The following TMEM108 variants were observed in gnomAD, a reference collection of about 807,000 sequenced individuals.
The protein encoded by TMEM108 is cancer/testis antigen 124.
TMEM108 carries 12 observed loss-of-function variants against 35.1 expected under a neutral mutation model. The ratio of observed to expected loss-of-function variants is 0.34; its 90% CI spans 0.22 to 0.55. The LOEUF is 0.55. Ranked by LOEUF, TMEM108 falls within the 20% of genes least tolerant of loss-of-function variation. TMEM108 has a pLI of 0.89. For synonymous variants in TMEM108, 287 were observed against 308.6 expected, an observed-to-expected ratio of 0.93 and a Z score of 0.73; for missense variants, 680 against 753.3, an observed-to-expected ratio of 0.90 and a Z score of 1.14.
At chr3:133,330,421 T>C (rs2071381953) in intron 3 of TMEM108, among the ~76,000 whole-genome samples, 2 of 152,124 alleles carry the variant, frequency 1.3e-5, no homozygotes, top group African/African-American at 4.8e-5. Flanking sequence ...TGTGTATATA[T>C]GTGTGTGTAA....
At chr3:133,218,480 A>G (rs1945941041) in intron 2 of TMEM108, among the ~76,000 whole-genome samples, 1 of 151,696 alleles carries the variant, frequency 6.6e-6, no homozygotes, top group Admixed American at 6.6e-5. Context: ...CTTGTTCCTG[A>G]TCTTAAAGGA....
At chr3:133,302,072 G>C (rs74367115) in intron 3 of TMEM108, among the ~76,000 whole-genome samples, 2,465 of 152,318 alleles carry the variant, frequency 0.016, 69 homozygotes, top group African/African-American at 0.056. Context: ...AAATGGGGGA[G>C]TCTATAAATT....
In TMEM108 at chr3:133,326,897, A is replaced by G. The variant is rs193028780; in HGVS notation, c.41-52855A>G. 2.9e-3 allele frequency among the ~76,000 whole-genome samples: 444 copies of G among 152,356 alleles called. 3 individuals carry two copies. Among genetic ancestry groups the G allele is most frequent in the African/African-American group, 0.01 (431 of 41,592 alleles). On this transcript the variant is annotated intron_variant, in intron 3 of 5. Coordinates refer to ENST00000321871, the MANE Select transcript of TMEM108 (RefSeq NM_023943.4). The stretch of plus-strand genomic sequence containing the variant: ...AAGAAGACATTCAAGTGCCCACAGT[A>G]TAGTTGGGGCATGAGAAGTATTATT...
intron 2 of TMEM108, among the ~76,000 whole-genome samples, chr3:133,227,803 G>A (rs1194351615): frequency 1.3e-5 from 2 of 151,996 alleles, no homozygotes; most frequent in African/African-American, 2.4e-5. Flanking sequence ...GCTGAGGCAC[G>A]AGAATCACTT....
At chr3:133,370,915 T>TGTGTGTGTGC (rs1268717738) in intron 3 of TMEM108, among the ~76,000 whole-genome samples, 1 of 135,664 alleles carries the variant, frequency 7.4e-6, no homozygotes, top group African/African-American at 3.0e-5. Context: ...TGTGTGTGTG[T>TGTGTGTGTGC]GTGTGTGCCA....
intron 3 of TMEM108, among the ~76,000 whole-genome samples, chr3:133,356,985 G>T (rs1336189429): frequency 6.6e-6 from 1 of 152,106 alleles, no homozygotes; most frequent in Non-Finnish European, 1.5e-5. Context: ...AAACTAAAAA[G>T]CTTCTACACA....
intron 3 of TMEM108, among the ~76,000 whole-genome samples, chr3:133,264,230 A>T (rs906797691): frequency 1.3e-5 from 2 of 152,150 alleles, no homozygotes; most frequent in Admixed American, 6.5e-5. Context: ...CTCAAACTCC[A>T]TGAGTTTGAG....
intron 3 of TMEM108, among the ~76,000 whole-genome samples, chr3:133,323,807 G>A (rs1165944019): frequency 6.6e-6 from 1 of 152,120 alleles, no homozygotes; most frequent in Admixed American, 6.5e-5. Flanking sequence ...AAAACAGCAT[G>A]GTACTGGTAT....
At chr3:133,377,177 G>A (rs2072868168) in intron 3 of TMEM108, among the ~76,000 whole-genome samples, 2 of 152,176 alleles carry the variant, frequency 1.3e-5, no homozygotes, top group Admixed American at 1.3e-4. Context: ...TCCAAATATA[G>A]TCACATTCTA....
chr3:133,178,804 C>T (rs994730476), intron 2 of TMEM108, among the ~76,000 whole-genome samples: 2 of 152,210 alleles, frequency 1.3e-5, no homozygotes, highest in African/African-American at 4.8e-5. Context: ...CCAAAATTGA[C>T]AGATGGGATC....
At chr3:133,167,799 G>A (rs111713148) in intron 2 of TMEM108, among the ~76,000 whole-genome samples, 5,503 of 152,246 alleles carry the variant, frequency 0.036, 336 homozygotes, top group African/African-American at 0.12. Flanking sequence ...GCAAGCAGAG[G>A]GAGCTGGCTC....
At chr3:133,291,199 T>C (rs1026059392) in intron 3 of TMEM108, among the ~76,000 whole-genome samples, 1 of 151,588 alleles carries the variant, frequency 6.6e-6, no homozygotes, top group Non-Finnish European at 1.5e-5. Flanking sequence ...TGTCACCCTA[T>C]AAAGCCCATA....
At chr3:133,048,104 A>G (rs1438641508) in intron 2 of TMEM108, among the ~76,000 whole-genome samples, 1 of 152,220 alleles carries the variant, frequency 6.6e-6, no homozygotes, top group Non-Finnish European at 1.5e-5. Flanking sequence ...GTTAAAAAAA[A>G]GGGAAGAGTG....
At chr3:133,300,527 T>A (rs919505880) in intron 3 of TMEM108, among the ~76,000 whole-genome samples, 3 of 152,064 alleles carry the variant, frequency 2.0e-5, no homozygotes, top group African/African-American at 7.3e-5. Context: ...CTCAGAAAGA[T>A]CCCTGGAAAG....
chr3:133,172,763 G>A (rs980841709), intron 2 of TMEM108, among the ~76,000 whole-genome samples: 4 of 152,208 alleles, frequency 2.6e-5, no homozygotes, highest in African/African-American at 9.7e-5. Flanking sequence ...GTTTGGCTGT[G>A]TCACCACCCA....
intron 3 of TMEM108, among the ~76,000 whole-genome samples, chr3:133,324,782 C>T (rs557793303): frequency 1.3e-5 from 2 of 152,286 alleles, no homozygotes; most frequent in South Asian, 2.1e-4. Context: ...TCAAGACCAG[C>T]CTGGCCAAAA....
intron 2 of TMEM108, among the ~76,000 whole-genome samples, chr3:133,168,382 C>T (rs1049655476): frequency 3.9e-5 from 6 of 151,950 alleles, no homozygotes; most frequent in Non-Finnish European, 7.4e-5. Context: ...CTTCACATGG[C>T]GGAAGGCTTG....
intron 2 of TMEM108, among the ~76,000 whole-genome samples, chr3:133,189,169 C>T (rs1372022381): frequency 6.6e-6 from 1 of 152,144 alleles, no homozygotes; most frequent in African/African-American, 2.4e-5. Flanking sequence ...CATATGTACT[C>T]CTAGTCCCAG....
At chr3:133,177,840 G>A (rs1559858240) in intron 2 of TMEM108, among the ~76,000 whole-genome samples, 1 of 152,030 alleles carries the variant, frequency 6.6e-6, no homozygotes, top group East Asian at 1.9e-4. Flanking sequence ...AGGAAATAAA[G>A]GGTATTCAAT....
Sources: allele counts gnomAD v4.1 joint callset (sites outside exome capture counted in the v4.1 genomes callset), GRCh38; gene constraint gnomAD v4.1.1; transcripts MANE v1.5; gene names NCBI Gene and HGNC (gene_info 2026-07-23, HGNC 2026-07-21).